The following BCL2 variants were observed in gnomAD, a reference collection of about 807,000 sequenced individuals.
BCL2 encodes BCL2 apoptosis regulator, also known as apoptosis regulator Bcl-2.
BCL2 carries 1 observed loss-of-function variant against 14.2 expected under a neutral mutation model. The observed-to-expected ratio is 0.07, with a 90% CI of 0.02 to 0.33. The LOEUF is 0.33. Among genes scored for constraint, BCL2 ranks in the 10% least tolerant of loss-of-function variants. BCL2 has a pLI of 0.99. For missense variants in BCL2, 247 were observed against 305.9 expected (o/e 0.81, Z 1.44); for synonymous variants, 151 against 137.2 (o/e 1.10, Z -0.70).
intron 2 of BCL2, among the ~76,000 whole-genome samples, chr18:63,184,812 T>G (rs932372394): frequency 1.3e-5 from 2 of 152,186 alleles, no homozygotes; most frequent in African/African-American, 4.8e-5. Flanking sequence ...GACATCCGAG[T>G]AAGTTGTTGA....
intron 2 of BCL2, among the ~76,000 whole-genome samples, chr18:63,150,135 A>G (rs1262420108): frequency 1.3e-5 from 2 of 152,206 alleles, no homozygotes; most frequent in Admixed American, 6.5e-5. Flanking sequence ...CTCCTGACTC[A>G]GCCTCCCATA....
At chr18:63,161,943 A>G (rs1292855649) in intron 2 of BCL2, 1 of 152,232 alleles carries the variant, frequency 6.6e-6, no homozygotes, top group Non-Finnish European at 1.5e-5. Context: ...CAGCCGGTCC[A>G]TGTGACCTGC....
At chr18:63,160,655 A>T (rs1181921935) in intron 2 of BCL2, among the ~76,000 whole-genome samples, 1 of 152,026 alleles carries the variant, frequency 6.6e-6, no homozygotes. Context: ...GGCCCAGGGT[A>T]GCACATTCAG....
At chr18:63,280,956 G>A (rs943970798) in intron 2 of BCL2, among the ~76,000 whole-genome samples, 4 of 152,112 alleles carry the variant, frequency 2.6e-5, no homozygotes, top group African/African-American at 9.7e-5. Context: ...ATAAATGAAC[G>A]GAGAAACAAT....
chr18:63,128,353 G>T lies in BCL2; in HGVS notation c.*272C>A, dbSNP rs546351646. On this transcript the variant is annotated 3_prime_UTR_variant, in exon 3 of 3. Coordinates refer to ENST00000333681, the MANE Select transcript of BCL2 (RefSeq NM_000633.3). Reference sequence around the variant, plus strand: ...TTTCCAAAGACAGGAGTTTTGATGGGACTGTCTTAAATAAATAAATCTTTT... The same window carrying T: ...TTTCCAAAGACAGGAGTTTTGATGGTACTGTCTTAAATAAATAAATCTTTT... The T allele has an allele frequency of 3.3e-6, 1 of 303,580 alleles. No individual in the cohort carries two copies. The highest frequency in any genetic ancestry group is 8.7e-5 in the South Asian group (1 of 11,504). 18.8% of individuals were successfully genotyped at this position (303,580 alleles called of 1,614,324 possible).
intron 2 of BCL2, among the ~76,000 whole-genome samples, chr18:63,169,369 CT>C (rs1915157815): frequency 2.9e-5 from 2 of 69,544 alleles, no homozygotes; most frequent in Admixed American, 1.5e-4. Context: ...TTCTTTCTTT[CT>C]CTTTCTTTCT....
Position 63,125,634 on chromosome 18 carries a change from G to C in BCL2, c.*2991C>G. On this transcript the variant is annotated 3_prime_UTR_variant, in exon 3 of 3. Coordinates refer to ENST00000333681, the MANE Select transcript of BCL2 (RefSeq NM_000633.3). ...GAATCCCTCTTCAATACAAAATAGG[G>C]ATGGTTCTCTGTTGCCCAACTGCAA... 1 of 212,892 alleles carries C rather than the reference G, an allele frequency of 4.7e-6. No homozygotes were observed. Among genetic ancestry groups the C allele is most frequent in the African/African-American group, 2.3e-5 (1 of 44,296 alleles). 13.2% of individuals were successfully genotyped at this position (212,892 alleles called of 1,614,324 possible). A position where few individuals can be genotyped will look rare whatever the true frequency, so the allele number is the denominator to read the frequency against.
Position 63,292,874 on chromosome 18 carries a change from G to T in BCL2, c.585+25208C>A, listed in dbSNP as rs561379750. 2.0e-5 allele frequency among the ~76,000 whole-genome samples: 3 copies of T among 152,294 alleles called. No homozygotes were observed. The South Asian group carries it at 6.2e-4, about 32-fold the overall frequency. ...GCTCTCTGCCAACTGCAGTAGGCACGGGCCCAGAGACAGAAGATTTCTGTG... is the reference window on the plus strand; with the variant it reads ...GCTCTCTGCCAACTGCAGTAGGCACTGGCCCAGAGACAGAAGATTTCTGTG... On this transcript the variant is annotated intron_variant, in intron 2 of 2. Coordinates refer to ENST00000333681, the MANE Select transcript of BCL2 (RefSeq NM_000633.3).
At chr18:63,208,874 G>A (rs780743581) in intron 2 of BCL2, among the ~76,000 whole-genome samples, 36 of 152,176 alleles carry the variant, frequency 2.4e-4, no homozygotes, top group African/African-American at 6.8e-4. Context: ...GCCCTGCCAC[G>A]TTGTCCTGAA....
At chr18:63,138,897 G>C (rs1486954800) in intron 2 of BCL2, among the ~76,000 whole-genome samples, 1 of 152,244 alleles carries the variant, frequency 6.6e-6, no homozygotes, top group African/African-American at 2.4e-5. Flanking sequence ...AGGAGCTGGG[G>C]AGGCTGAAAA....
intron 2 of BCL2, among the ~76,000 whole-genome samples, chr18:63,174,244 A>T (rs775026152): frequency 6.6e-6 from 1 of 152,226 alleles, no homozygotes; most frequent in African/African-American, 2.4e-5. Context: ...CTAGGTTAGC[A>T]GTTGTTTCAC....
intron 2 of BCL2, among the ~76,000 whole-genome samples, chr18:63,136,888 G>A (rs1341652789): frequency 6.6e-6 from 1 of 152,230 alleles, no homozygotes; most frequent in Admixed American, 6.5e-5. Flanking sequence ...AAGTTAGTGA[G>A]CACTGAAGTG....
At chr18:63,223,412 T>TA (rs1199871130) in intron 2 of BCL2, among the ~76,000 whole-genome samples, 10 of 86,778 alleles carry the variant, frequency 1.2e-4, no homozygotes, top group South Asian at 6.0e-4. Context: ...AAAAAAAAAA[T>TA]AAATAAAGAA....
At chr18:63,227,409 G>A (rs990523950) in intron 2 of BCL2, among the ~76,000 whole-genome samples, 7 of 152,098 alleles carry the variant, frequency 4.6e-5, no homozygotes, top group Non-Finnish European at 1.0e-4. Context: ...TGGTTTCACC[G>A]TATTGCCCAG....
At chr18:63,222,826 C>T (rs1242718233) in intron 2 of BCL2, among the ~76,000 whole-genome samples, 1 of 152,094 alleles carries the variant, frequency 6.6e-6, no homozygotes, top group East Asian at 1.9e-4. Flanking sequence ...ATTTTAAATA[C>T]CTTTTGATCT....
intron 2 of BCL2, among the ~76,000 whole-genome samples, chr18:63,130,386 G>C (rs1429441799): frequency 1.3e-5 from 2 of 152,180 alleles, no homozygotes; most frequent in African/African-American, 4.8e-5. Context: ...CTGGGGCAAG[G>C]GCTGTAGCAG....
intron 2 of BCL2, among the ~76,000 whole-genome samples, chr18:63,211,069 T>C (rs1909989044): frequency 2.3e-5 from 3 of 130,412 alleles, no homozygotes; most frequent in Middle Eastern, 3.6e-3. Flanking sequence ...ATTTCTTTTT[T>C]TTTTTTTTTT....
intron 2 of BCL2, chr18:63,161,853 T>C (rs1914929525): frequency 6.6e-6 from 1 of 152,236 alleles, no homozygotes; most frequent in African/African-American, 2.4e-5. Context: ...TACCTCCATG[T>C]GTAAGCCAAC....
chr18:63,143,669 A>T (rs1225761332), intron 2 of BCL2, among the ~76,000 whole-genome samples: 1 of 152,244 alleles, frequency 6.6e-6, no homozygotes, highest in Non-Finnish European at 1.5e-5. Flanking sequence ...CGGGGCCTTT[A>T]TACACCGACT....
Sources: gnomAD v4.1 joint callset for allele counts (sites outside exome capture counted in the v4.1 genomes callset) on GRCh38, gnomAD v4.1.1 for gene constraint, MANE v1.5 for transcripts, NCBI Gene and HGNC (gene_info 2026-07-23, HGNC 2026-07-21) for gene names.